Variants in ORC3 observed in about 807,000 individuals in gnomAD.
The protein encoded by ORC3 is homolog of latheo, Drosophila.
In ORC3, 78 loss-of-function variants were observed where a neutral mutation model predicts 100.7. That is an observed-to-expected ratio of 0.77 (90% CI 0.65 to 0.94). The LOEUF is 0.94. Ranked by LOEUF, ORC3 falls within the 40% of genes least tolerant of loss-of-function variation. ORC3 has a pLI of 0.00. For missense variants in ORC3, 789 were observed against 823.9 expected, an observed-to-expected ratio of 0.96 and a Z score of 0.52; for synonymous variants, 295 against 289.3, an observed-to-expected ratio of 1.02 and a Z score of -0.20.
chr6:87,643,859 G>A (rs1768482802), intron 13 of ORC3, among the ~76,000 whole-genome samples: 1 of 151,992 alleles, frequency 6.6e-6, no homozygotes, highest in South Asian at 2.1e-4. Context: ...TATAAGCTGT[G>A]CACATCCTCC....
Position 87,601,421 on chromosome 6 carries a change from A to G in ORC3, c.80-363A>G, listed in dbSNP as rs543955726. Among the ~76,000 whole-genome samples, 25 of 152,358 alleles carry G rather than the reference A, an allele frequency of 1.6e-4. 1 individual carries two copies. In the South Asian group the frequency reaches 5.2e-3, roughly 32 times the overall value. The stretch of plus-strand genomic sequence containing the variant: ...CAAGGTGGCTCACACTTGTAATCCC[A>G]GTACTTTGGGAGGCCAAGGTGGGCA... On this transcript the variant is annotated intron_variant, in intron 2 of 19. Transcript: ENST00000392844.
At chr6:87,628,570 C>T (rs1780089509) in intron 11 of ORC3, among the ~76,000 whole-genome samples, 2 of 152,098 alleles carry the variant, frequency 1.3e-5, no homozygotes, top group African/African-American at 4.8e-5. Flanking sequence ...ACTTTAAATC[C>T]TTTTAGAGTG....
intron 3 of ORC3, 96 bp downstream of exon 3, chr6:87,601,977 A>C (rs1369921397): frequency 1.3e-6 from 1 of 767,876 alleles, no homozygotes; most frequent in East Asian, 2.6e-5. Flanking sequence ...GTATTGATGA[A>C]ATATAGGAAG....
At chr6:87,652,842 C>G (rs1258085866) in intron 13 of ORC3, among the ~76,000 whole-genome samples, 1 of 152,042 alleles carries the variant, frequency 6.6e-6, no homozygotes, top group African/African-American at 2.4e-5. Flanking sequence ...GTATAATAAC[C>G]TTATTCTTTA....
the ORC3 span, among the ~76,000 whole-genome samples, chr6:87,673,643 C>T: frequency 1.9e-4 from 29 of 151,864 alleles, no homozygotes; most frequent in African/African-American, 6.8e-4. Flanking sequence ...GAGATCGAGA[C>T]CATCCTGGCC....
intron 2 of ORC3, among the ~76,000 whole-genome samples, chr6:87,595,658 C>G (rs1347012988): frequency 6.6e-6 from 1 of 152,184 alleles, no homozygotes; most frequent in East Asian, 1.9e-4. Flanking sequence ...ACACAGTTCT[C>G]AATCACTCTT....
At chr6:87,610,954 T>TG in intron 7 of ORC3, among the ~76,000 whole-genome samples, 1 of 148,536 alleles carries the variant, frequency 6.7e-6, no homozygotes, top group South Asian at 2.1e-4. Flanking sequence ...TTTTTTTTTT[T>TG]GAGACAGGGT....
At chr6:87,641,066 G>T (rs1460114272) in intron 13 of ORC3, among the ~76,000 whole-genome samples, 3 of 151,524 alleles carry the variant, frequency 2.0e-5, no homozygotes, top group Non-Finnish European at 2.9e-5. Context: ...CCGAGACCTT[G>T]CCATTGCACT....
At chr6:87,591,974 G>T (rs1269422805) in intron 1 of ORC3, among the ~76,000 whole-genome samples, 1 of 152,078 alleles carries the variant, frequency 6.6e-6, no homozygotes, top group Non-Finnish European at 1.5e-5. Context: ...CGAGTGATCC[G>T]CCAGCCTCGG....
intron 11 of ORC3, among the ~76,000 whole-genome samples, chr6:87,630,433 T>G (rs1752148124): frequency 6.6e-6 from 1 of 152,102 alleles, no homozygotes. Flanking sequence ...AGAGACTAAG[T>G]GTTCAGCCTT....
chr6:87,635,073 A>G lies in ORC3; in HGVS notation c.1302+112A>G, dbSNP rs1465478737. 2.1e-5 allele frequency: 16 copies of G among 756,622 alleles called. No homozygotes were observed. The Admixed American group carries it at 2.9e-4, about 14-fold the overall frequency. The allele number at this position is 756,622 out of a possible 1,614,324, so 46.9% of individuals were successfully genotyped here. ...ATGTGAAATGAAGCCAATCCTTACAATGAGAACACAATCTAAATCCATTCC... is the reference window on the plus strand; with the variant it reads ...ATGTGAAATGAAGCCAATCCTTACAGTGAGAACACAATCTAAATCCATTCC... On this transcript the variant is annotated intron_variant, in intron 12 of 19. Coordinates refer to ENST00000392844, the MANE Select transcript of ORC3 (RefSeq NM_012381.4).
chr6:87,636,006 G>A (rs1301190930), intron 12 of ORC3, among the ~76,000 whole-genome samples: 1 of 149,206 alleles, frequency 6.7e-6, no homozygotes, highest in Non-Finnish European at 1.5e-5. Flanking sequence ...GTGCAGTGGC[G>A]CAATCTCGGC....
rs375214415 is a variant in ORC3 at position 87,590,182 on chromosome 6, C to T, written c.14C>T (p.Ser5Leu). ...GTCAGTAAGACCATGGCTACGTCCT[C>T]GATGTCTAAGGTATGTGGTGGCCGA... MATS[S>L]MSKGCFVFKP... Residue 5 changes from serine to leucine, a missense_variant, in exon 1 of 20, where the codon TCG becomes TTG. Ser to Leu is a moderately radical substitution (Grantham distance 145). This residue lies in a region of ORC3 where 399 missense variants were observed against 382.0 expected (regional missense o/e 1.04). Transcript: ENST00000392844. The T allele has an allele frequency of 6.2e-7, 1 of 1,614,086 alleles. No homozygotes were observed. Among genetic ancestry groups the T allele is most frequent in the Admixed American group, 1.7e-5 (1 of 60,030 alleles).
rs201505028 is a variant in ORC3 at position 87,612,283 on chromosome 6, G to A, written c.873+35G>A. 2.1e-5 allele frequency: 32 copies of A among 1,495,746 alleles called. No individual in the cohort carries two copies. The East Asian group carries it at 7.4e-4, about 35-fold the overall frequency. The allele number at this position is 1,495,746 out of a possible 1,614,324, so 92.7% of individuals were successfully genotyped here. A position where few individuals can be genotyped will look rare whatever the true frequency, so the allele number is the denominator to read the frequency against. On this transcript the variant is annotated intron_variant, in intron 8 of 19. Transcript: ENST00000392844. The stretch of plus-strand genomic sequence containing the variant: ...ATAAGTTTTACCAGTGAAATAGGAT[G>A]AAAAGAAAACTGCCAATAATAGATT...
Position 87,609,184 on chromosome 6 carries a change from A to G in ORC3, c.668A>G (p.Glu223Gly). The G allele has an allele frequency of 1.2e-6, 2 of 1,610,772 alleles. No individual in the cohort carries two copies. Among genetic ancestry groups the G allele is most frequent in the Non-Finnish European group, 1.7e-6 (2 of 1,178,976 alleles). ...GTTGTCGTTATCTTGAAGGATATGG[A>G]AAGCTTTGCCACAAAAGTACTACAA... ...PPVVVILKDM[E>G]SFATKVLQDF... is the part of the protein sequence containing the mutation. The change falls in exon 7 of 20, where the codon GAA becomes GGA. Residue 223 changes from glutamate to glycine, a missense_variant. Coordinates refer to ENST00000392844, the MANE Select transcript of ORC3 (RefSeq NM_012381.4).
At chr6:87,612,840 T>G (rs1778882767) in intron 8 of ORC3, among the ~76,000 whole-genome samples, 1 of 152,202 alleles carries the variant, frequency 6.6e-6, no homozygotes, top group African/African-American at 2.4e-5. Context: ...ACTCCTGACC[T>G]CAAGTGATCT....
chr6:87,650,236 G>A (rs1769152442), intron 13 of ORC3, among the ~76,000 whole-genome samples: 1 of 151,742 alleles, frequency 6.6e-6, no homozygotes, highest in African/African-American at 2.4e-5. Context: ...TCTATTTTTT[G>A]TAGGAATGAG....
At chr6:87,590,678 C>T (rs748931597) in intron 1 of ORC3, among the ~76,000 whole-genome samples, 73 of 152,184 alleles carry the variant, frequency 4.8e-4, no homozygotes, top group Middle Eastern at 6.8e-3. Flanking sequence ...TTAGCGGAGG[C>T]TTTTTGGAGA....
At chr6:87,623,641 T>G (rs555527750) in intron 11 of ORC3, among the ~76,000 whole-genome samples, 10 of 152,164 alleles carry the variant, frequency 6.6e-5, no homozygotes, top group Non-Finnish European at 1.3e-4. Flanking sequence ...CCCAGCACTC[T>G]ATGAGGCCTG....
Sources: gnomAD v4.1 joint callset for allele counts (sites outside exome capture counted in the v4.1 genomes callset) on GRCh38, gnomAD v4.1.1 for gene constraint, gnomAD v4.1.1 regional missense constraint, MANE v1.5 for transcripts, NCBI Gene and HGNC (gene_info 2026-07-23, HGNC 2026-07-21) for gene names.